Variants in GRIN2A observed in about 807,000 individuals in gnomAD.
GRIN2A encodes glutamate receptor ionotropic, NMDA 2A.
GRIN2A carries 22 observed loss-of-function variants against 113.4 expected under a neutral mutation model. The ratio of observed to expected loss-of-function variants is 0.19; its 90% confidence interval spans 0.14 to 0.28. The LOEUF (loss-of-function observed/expected upper bound fraction) is 0.28. GRIN2A is among the 10% of genes least tolerant of loss of function. The probability of loss-of-function intolerance (pLI) is 1.00; values close to 1 mark genes in which losing one functional copy is unlikely to be tolerated. For missense variants in GRIN2A, 1,502 were observed against 1,887.0 expected (o/e 0.80, Z 3.78); for synonymous variants, 827 against 738.4 (o/e 1.12, Z -1.94).
In GRIN2A at chr16:9,969,103, C is replaced by T. The variant is rs2045618601; in HGVS notation, c.415-30552G>A. On this transcript the variant is annotated intron_variant, in intron 2 of 12. Transcript: ENST00000330684. ...TTAACACATATAGCACATTTCAGGT[C>T]ACACTAGCCACACTTCAAATGCTCA... is the stretch of plus-strand genomic sequence containing the variant. Among the ~76,000 whole-genome samples, 3 of 152,000 alleles carry T rather than the reference C, an allele frequency of 2.0e-5. No individual in the cohort carries two copies. The South Asian group carries it at 6.2e-4, about 32-fold the overall frequency.
intron 2 of GRIN2A, among the ~76,000 whole-genome samples, chr16:10,076,100 G>A (rs560661575): frequency 1.1e-4 from 17 of 152,232 alleles, no homozygotes; most frequent in South Asian, 4.1e-4. Context: ...CCTTAGGATC[G>A]GACATAGGGC....
intron 4 of GRIN2A, among the ~76,000 whole-genome samples, chr16:9,865,236 C>T (rs1465534494): frequency 1.3e-5 from 2 of 152,118 alleles, no homozygotes; most frequent in African/African-American, 2.4e-5. Context: ...AGGAGGGTTC[C>T]CTTGGGATGG....
intron 3 of GRIN2A, among the ~76,000 whole-genome samples, chr16:9,923,237 A>T (rs1427495738): frequency 1.3e-5 from 2 of 152,106 alleles, no homozygotes; most frequent in African/African-American, 4.8e-5. Flanking sequence ...CATGATCTGA[A>T]ATCTACTTAG....
intron 4 of GRIN2A, among the ~76,000 whole-genome samples, chr16:9,882,514 C>CCAAAAATAGAA (rs2043501423): frequency 6.6e-6 from 1 of 152,116 alleles, no homozygotes; most frequent in Admixed American, 6.6e-5. Context: ...GGGCCGGGTG[C>CCAAAAATAGAA]GGTGCCTCAT....
chr16:9,837,346 AAG>A (rs1487248387), intron 7 of GRIN2A, among the ~76,000 whole-genome samples: 4 of 152,174 alleles, frequency 2.6e-5, no homozygotes, highest in African/African-American at 9.6e-5. Flanking sequence ...AGTGTGGGGA[AAG>A]AGAGGTTTTG....
At chr16:9,824,122 A>C (rs1375251807) in intron 9 of GRIN2A, among the ~76,000 whole-genome samples, 1 of 152,242 alleles carries the variant, frequency 6.6e-6, no homozygotes, top group Admixed American at 6.5e-5. Context: ...TAAATTAGGC[A>C]TGCTGCTGCC....
intron 11 of GRIN2A, among the ~76,000 whole-genome samples, chr16:9,791,348 A>G (rs933053308): frequency 6.6e-6 from 1 of 152,186 alleles, no homozygotes; most frequent in Non-Finnish European, 1.5e-5. Context: ...ATCCACACTT[A>G]TCTAAAAAAA....
At chr16:10,087,694 T>C (rs552849349) in intron 2 of GRIN2A, among the ~76,000 whole-genome samples, 1 of 152,236 alleles carries the variant, frequency 6.6e-6, no homozygotes, top group Non-Finnish European at 1.5e-5. Context: ...TTATTTATTT[T>C]TGGGCAGGGT....
chr16:9,885,569 GT>G (rs1290509659), intron 4 of GRIN2A, among the ~76,000 whole-genome samples: 1 of 152,196 alleles, frequency 6.6e-6, no homozygotes, highest in Non-Finnish European at 1.5e-5. Context: ...GGCTTGTCGT[GT>G]TTTCCCAGAC....
intron 2 of GRIN2A, among the ~76,000 whole-genome samples, chr16:10,113,187 C>A (rs1205862273): frequency 1.3e-5 from 2 of 152,056 alleles, no homozygotes; most frequent in African/African-American, 4.8e-5. Context: ...ATGGCCCCCA[C>A]CCCAGGGACA....
At chr16:10,111,298 C>A in intron 2 of GRIN2A, 2 of 367,458 alleles carry the variant, frequency 5.4e-6, no homozygotes, top group South Asian at 4.5e-5. Context: ...GCTTACAGTT[C>A]CCAGGCCCAC....
chr16:10,105,070 G>C (rs2048471143), intron 2 of GRIN2A, among the ~76,000 whole-genome samples: 1 of 152,194 alleles, frequency 6.6e-6, no homozygotes, highest in Non-Finnish European at 1.5e-5. Flanking sequence ...GCCACTCTGG[G>C]TCTGGAGCCG....
chr16:10,035,990 G>T (rs28470391), intron 2 of GRIN2A, among the ~76,000 whole-genome samples: 1 of 152,102 alleles, frequency 6.6e-6, no homozygotes, highest in African/African-American at 2.4e-5. Context: ...TCCCAAAGTG[G>T]TGGGATTACA....
intron 2 of GRIN2A, among the ~76,000 whole-genome samples, chr16:9,982,903 G>C (rs2045916887): frequency 6.6e-6 from 1 of 152,138 alleles, no homozygotes; most frequent in Admixed American, 6.5e-5. Context: ...AAGTGGAGGA[G>C]TACTTAGTTT....
chr16:10,111,345 C>T (rs1044224978), intron 2 of GRIN2A: 89 of 408,110 alleles, frequency 2.2e-4, no homozygotes, highest in African/African-American at 1.1e-3. Flanking sequence ...CAGGCGGCCG[C>T]GCGGGTGTTT....
intron 10 of GRIN2A, among the ~76,000 whole-genome samples, chr16:9,816,979 C>A (rs2042198262): frequency 6.6e-6 from 1 of 152,164 alleles, no homozygotes; most frequent in Non-Finnish European, 1.5e-5. Flanking sequence ...CTGAAAAATC[C>A]CATCTCTGTT....
intron 2 of GRIN2A, among the ~76,000 whole-genome samples, chr16:10,162,392 C>T (rs1190106499): frequency 6.6e-6 from 1 of 152,166 alleles, no homozygotes; most frequent in East Asian, 1.9e-4. Flanking sequence ...TTCATTTTCC[C>T]AGGCTGCTGT....
intron 3 of GRIN2A, among the ~76,000 whole-genome samples, chr16:9,898,404 A>C (rs1244172538): frequency 6.6e-6 from 1 of 152,158 alleles, no homozygotes; most frequent in African/African-American, 2.4e-5. Context: ...GACTTAAAAT[A>C]TCTCATTCCT....
rs886052540 is a variant in GRIN2A at position 9,760,527 on chromosome 16, T to A, written c.*2622A>T. ...GGTCAGTGAAAAGAATATATATTTT[T>A]TTCACAACATTACTGTTGATTCTTC... On this transcript the variant is annotated 3_prime_UTR_variant, in exon 13 of 13. Coordinates refer to ENST00000330684, the MANE Select transcript of GRIN2A (RefSeq NM_001134407.3). 2.3e-5 allele frequency: 5 copies of A among 222,038 alleles called. No individual in the cohort carries two copies. The highest frequency in any genetic ancestry group is 2.7e-5 in the Non-Finnish European group (3 of 111,160). The allele number at this position is 222,038 out of a possible 1,614,324, so 13.8% of individuals were successfully genotyped here. A position where few individuals can be genotyped will look rare whatever the true frequency, so the allele number is the denominator to read the frequency against.
Sources: gnomAD v4.1 joint callset for allele counts (sites outside exome capture counted in the v4.1 genomes callset) on GRCh38, gnomAD v4.1.1 for gene constraint, MANE v1.5 for transcripts, NCBI Gene and HGNC (gene_info 2026-07-23, HGNC 2026-07-21) for gene names.